CAPZB: variants seen among roughly 807,000 people sequenced by gnomAD.
CAPZB encodes the protein capping actin protein of muscle Z-line subunit beta.
In CAPZB, 2 loss-of-function variants were observed where a neutral mutation model predicts 38.1. The observed-to-expected ratio is 0.05, with a 90% CI of 0.02 to 0.17. The LOEUF (loss-of-function observed/expected upper bound fraction) is 0.17, where lower values mean the gene tolerates loss of function less well. Ranked by LOEUF, CAPZB falls within the 10% of genes least tolerant of loss-of-function variation. The pLI is 1.00. For missense variants in CAPZB, 161 were observed against 334.2 expected (o/e 0.48, Z 4.04); for synonymous variants, 107 against 127.4 (o/e 0.84, Z 1.08).
At chr1:19,353,784 C>A (rs1345776319) in intron 6 of CAPZB, among the ~76,000 whole-genome samples, 2 of 152,238 alleles carry the variant, frequency 1.3e-5, no homozygotes, top group Non-Finnish European at 2.9e-5. Context: ...AGGAGATCAT[C>A]CTGAAAGACA....
intron 1 of CAPZB, among the ~76,000 whole-genome samples, chr1:19,427,569 A>C (rs979392789): frequency 6.6e-6 from 1 of 152,260 alleles, no homozygotes; most frequent in Non-Finnish European, 1.5e-5. Context: ...GATTTGGAGA[A>C]GGAATCCTGG....
rs868193218 is a variant in CAPZB at position 19,464,417 on chromosome 1, G to A, written c.3+21019C>T. ...CGCCATTCTCCTGCCTCAGCCTCCC[G>A]AGTAGCTGGGACTACAGGTGCCCGC... On this transcript the variant is annotated intron_variant, in intron 1 of 8. Coordinates refer to ENST00000264202, the MANE Select transcript of CAPZB (RefSeq NM_004930.5). Among the ~76,000 whole-genome samples the A allele has an allele frequency of 3.8e-4, 56 of 149,260 alleles. 1 individual carries two copies. Among genetic ancestry groups the A allele is most frequent in the African/African-American group, 1.3e-3 (53 of 40,566 alleles).
chr1:19,397,354 G>A (rs10917442), intron 2 of CAPZB, among the ~76,000 whole-genome samples: 3,817 of 152,332 alleles, frequency 0.025, 176 homozygotes, highest in African/African-American at 0.086. Context: ...GCAGAAGGCA[G>A]GGGTGTTATT....
intron 1 of CAPZB, chr1:19,484,413 G>A (rs1174409296): frequency 2.0e-6 from 3 of 1,522,848 alleles, no homozygotes; most frequent in Middle Eastern, 2.1e-4. Flanking sequence ...AGGCCCGGGC[G>A]CCGTGGACCC....
intron 2 of CAPZB, among the ~76,000 whole-genome samples, chr1:19,400,674 A>G (rs1162999180): frequency 6.6e-6 from 1 of 152,318 alleles, no homozygotes; most frequent in Non-Finnish European, 1.5e-5. Flanking sequence ...ACCATCCTCA[A>G]TGGAAGCTCT....
chr1:19,424,050 G>C (rs924407290), intron 1 of CAPZB, among the ~76,000 whole-genome samples: 2 of 152,172 alleles, frequency 1.3e-5, no homozygotes, highest in Non-Finnish European at 2.9e-5. Flanking sequence ...GAGCTCAAGC[G>C]ATCCATCTGC....
At chr1:19,387,435 G>A (rs1456825390) in intron 2 of CAPZB, among the ~76,000 whole-genome samples, 2 of 152,228 alleles carry the variant, frequency 1.3e-5, no homozygotes, top group African/African-American at 4.8e-5. Flanking sequence ...GCTTCCACCC[G>A]AGGCCATCTG....
At chr1:19,340,551 G>T (rs1214354649) in intron 8 of CAPZB, among the ~76,000 whole-genome samples, 1 of 152,168 alleles carries the variant, frequency 6.6e-6, no homozygotes, top group African/African-American at 2.4e-5. Context: ...TATCAACCCG[G>T]CCGGATGTGG....
At chr1:19,360,782 G>A (rs924495757) in intron 4 of CAPZB, among the ~76,000 whole-genome samples, 2 of 152,198 alleles carry the variant, frequency 1.3e-5, no homozygotes, top group Non-Finnish European at 2.9e-5. Flanking sequence ...TCTCCTTGGC[G>A]GGCCACGGTG....
intron 6 of CAPZB, among the ~76,000 whole-genome samples, chr1:19,347,705 G>A (rs1426129325): frequency 2.0e-5 from 3 of 152,186 alleles, no homozygotes; most frequent in African/African-American, 7.2e-5. Flanking sequence ...TGGTCACAGG[G>A]TTAATACGGA....
At chr1:19,390,909 C>A (rs985905940) in intron 2 of CAPZB, among the ~76,000 whole-genome samples, 1 of 152,186 alleles carries the variant, frequency 6.6e-6, no homozygotes, top group African/African-American at 2.4e-5. Flanking sequence ...GCTCTTCACA[C>A]AGACACGCAC....
intron 2 of CAPZB, among the ~76,000 whole-genome samples, chr1:19,394,606 C>T (rs963933825): frequency 5.9e-5 from 9 of 152,130 alleles, no homozygotes; most frequent in African/African-American, 2.2e-4. Context: ...CTGTAATCAG[C>T]TACTTGGGAG....
chr1:19,395,010 G>A (rs1175912011), intron 2 of CAPZB, among the ~76,000 whole-genome samples: 3 of 152,144 alleles, frequency 2.0e-5, no homozygotes, highest in Non-Finnish European at 2.9e-5. Flanking sequence ...TACAGCCACC[G>A]CGCGCCAGGT....
At chr1:19,476,221 T>TAGACAGACAGAC (rs1198702925) in intron 1 of CAPZB, among the ~76,000 whole-genome samples, 6 of 35,634 alleles carry the variant, frequency 1.7e-4, no homozygotes, top group African/African-American at 3.3e-4. Context: ...GATAGATAGA[T>TAGACAGACAGAC]AGATAGGCAG....
At chr1:19,423,820 T>C (rs1195376584) in intron 1 of CAPZB, among the ~76,000 whole-genome samples, 2 of 152,034 alleles carry the variant, frequency 1.3e-5, no homozygotes, top group African/African-American at 4.8e-5. Context: ...TCCAAGTAGC[T>C]GGGGGGCCAC....
chr1:19,369,075 C>T (rs1296295114), intron 4 of CAPZB, among the ~76,000 whole-genome samples: 8 of 152,198 alleles, frequency 5.3e-5, no homozygotes, highest in Admixed American at 1.3e-4. Context: ...CTGATGCTGA[C>T]GTGGGGATCA....
intron 2 of CAPZB, among the ~76,000 whole-genome samples, chr1:19,418,165 A>C (rs1302802218): frequency 2.9e-5 from 4 of 138,236 alleles, no homozygotes; most frequent in Non-Finnish European, 4.7e-5. Flanking sequence ...AAAAAAAAAA[A>C]CCACCACACA....
intron 2 of CAPZB, 44 bp from the exon 3 acceptor site, chr1:19,385,670 C>T (rs758545440): frequency 6.2e-7 from 1 of 1,613,728 alleles, no homozygotes; most frequent in South Asian, 1.1e-5. Context: ...GTTAAAACAG[C>T]ACACCAAACT....
chr1:19,472,241 G>C lies in CAPZB; in HGVS notation c.3+13195C>G, dbSNP rs889961844. 7.2e-5 allele frequency among the ~76,000 whole-genome samples: 11 copies of C among 152,206 alleles called. 1 individual carries two copies. Among genetic ancestry groups the C allele is most frequent in the African/African-American group, 2.7e-4 (11 of 41,446 alleles). On this transcript the variant is annotated intron_variant, in intron 1 of 8. Transcript: ENST00000264202. ...ATGAAAAAGTAAGAGAGGTTGTCATGAACTGAGGACATGGAGACCCTACTC... is the reference window on the plus strand; with the variant it reads ...ATGAAAAAGTAAGAGAGGTTGTCATCAACTGAGGACATGGAGACCCTACTC...
Sources: gnomAD v4.1 joint callset for allele counts (sites outside exome capture counted in the v4.1 genomes callset) on GRCh38, gnomAD v4.1.1 for gene constraint, MANE v1.5 for transcripts, NCBI Gene and HGNC (gene_info 2026-07-23, HGNC 2026-07-21) for gene names.